Variants in LMF1 observed in about 807,000 individuals in gnomAD.
The protein encoded by LMF1 is transmembrane protein 112.
A neutral mutation model predicts 60.6 loss-of-function variants in LMF1; 68 were observed. The ratio of observed to expected loss-of-function variants is 1.12; its 90% CI spans 0.92 to 1.37. The LOEUF is 1.37. Ranked by LOEUF, LMF1 falls within the 40% of genes most tolerant of loss-of-function variation. LMF1 has a pLI of 0.00. For synonymous variants in LMF1, 418 were observed against 324.7 expected (o/e 1.29, Z -3.09); for missense variants, 948 against 767.2 (o/e 1.24, Z -2.78).
At chr16:899,540 C>A (rs928215339) in intron 4 of LMF1, 10 of 152,372 alleles carry the variant, frequency 6.6e-5, no homozygotes, top group African/African-American at 1.9e-4. Context: ...AGCACATCTG[C>A]CTGATCCTGG....
intron 5 of LMF1, chr16:884,014 A>T (rs1398308456): frequency 1.3e-5 from 2 of 152,184 alleles, no homozygotes; most frequent in African/African-American, 4.8e-5. Context: ...TTACAGTTCT[A>T]TCCATTTTTG....
chr16:896,697 C>T (rs569423586), intron 4 of LMF1, among the ~76,000 whole-genome samples: 158 of 152,278 alleles, frequency 1.0e-3, no homozygotes, highest in Non-Finnish European at 1.7e-3. Flanking sequence ...GCCACTGCTC[C>T]CCCCGCATGA....
intron 9 of LMF1, chr16:869,315 CTCTG>C (rs1567151424): frequency 4.5e-6 from 3 of 671,860 alleles, no homozygotes; most frequent in Admixed American, 2.0e-5. Flanking sequence ...CCCCAGCACC[CTCTG>C]TCTGGGCCTT....
intron 4 of LMF1, among the ~76,000 whole-genome samples, chr16:894,873 A>C (rs2151734461): frequency 6.6e-6 from 1 of 152,326 alleles, no homozygotes; most frequent in South Asian, 2.1e-4. Flanking sequence ...TTCCACACGA[A>C]ATGGAATTCG....
At chr16:867,867 C>T (rs1425545212) in intron 10 of LMF1, among the ~76,000 whole-genome samples, 1 of 152,192 alleles carries the variant, frequency 6.6e-6, no homozygotes, top group Non-Finnish European at 1.5e-5. Flanking sequence ...TCGGGCCCAG[C>T]TGCTCCACTG....
At chr16:888,940 G>A (rs546515653) in intron 5 of LMF1, among the ~76,000 whole-genome samples, 5 of 152,326 alleles carry the variant, frequency 3.3e-5, no homozygotes, top group Admixed American at 2.0e-4. Context: ...CCTGTGCTGC[G>A]CTGGCCCTGG....
At chr16:931,593 C>T (rs2071785940) in intron 3 of LMF1, 1 of 1,271,028 alleles carries the variant, frequency 7.9e-7, no homozygotes, top group Non-Finnish European at 1.0e-6. Context: ...GCCTGACCTT[C>T]CAGTGCCTTT....
chr16:911,217 G>T, intron 3 of LMF1, 138 bp from the exon 4 acceptor site: 2 of 994,914 alleles, frequency 2.0e-6, no homozygotes, highest in Non-Finnish European at 3.1e-6. Flanking sequence ...CAGCCCGCAC[G>T]TATTAGTCTC....
Position 874,907 on chromosome 16 carries a change from G to A in LMF1, c.898-3566C>T, listed in dbSNP as rs1032023950. Among the ~76,000 whole-genome samples the A allele has an allele frequency of 6.6e-6, 1 of 152,124 alleles. No individual in the cohort carries two copies. The highest frequency in any genetic ancestry group is 2.4e-5 in the African/African-American group (1 of 41,412). ...CAGCCCCACACCATATCATCCCCCA[G>A]ACACCCTCTGCCCTGTACGCCTGTG... On this transcript the variant is annotated intron_variant, in intron 6 of 10. Coordinates refer to ENST00000262301, the MANE Select transcript of LMF1 (RefSeq NM_022773.4). The surrounding 1 kb of genome is among the most constrained non-coding windows in gnomAD (Gnocchi z 4.1).
intron 10 of LMF1, among the ~76,000 whole-genome samples, chr16:858,133 C>A (rs544710902): frequency 1.9e-4 from 13 of 67,404 alleles, no homozygotes; most frequent in Non-Finnish European, 2.9e-4. Flanking sequence ...AGTGGTGTCA[C>A]GGGATGGGTG....
chr16:978,274 C>T (rs977596184), intron 1 of LMF1, among the ~76,000 whole-genome samples: 9 of 150,098 alleles, frequency 6.0e-5, no homozygotes, highest in African/African-American at 2.2e-4. Flanking sequence ...ACACTATACA[C>T]GCACCACACA....
intron 1 of LMF1, among the ~76,000 whole-genome samples, chr16:959,702 C>T (rs184182280): frequency 6.2e-4 from 94 of 152,322 alleles, no homozygotes; most frequent in Non-Finnish European, 1.1e-3. Context: ...CGCTGCACTC[C>T]AGGGCTTTCC....
At chr16:884,379 T>A (rs1175595668) in intron 5 of LMF1, among the ~76,000 whole-genome samples, 1 of 152,196 alleles carries the variant, frequency 6.6e-6, no homozygotes, top group African/African-American at 2.4e-5. Flanking sequence ...TCACAGGAAA[T>A]AATGCAAATG....
intron 2 of LMF1, among the ~76,000 whole-genome samples, chr16:942,421 C>G (rs1177450432): frequency 3.3e-5 from 5 of 152,266 alleles, no homozygotes; most frequent in African/African-American, 1.2e-4. Flanking sequence ...TGGATTTACA[C>G]ATTTATATCA....
Position 880,125 on chromosome 16 carries a change from G to A in LMF1, c.730-388C>T, listed in dbSNP as rs185726437. Among the ~76,000 whole-genome samples, 721 of 152,284 alleles carry A rather than the reference G, an allele frequency of 4.7e-3. 9 individuals are homozygous for A. The highest frequency in any genetic ancestry group is 0.016 in the African/African-American group (678 of 41,558). On this transcript the variant is annotated intron_variant, in intron 5 of 10. Coordinates refer to ENST00000262301, the MANE Select transcript of LMF1 (RefSeq NM_022773.4). Reference sequence around the variant, plus strand: ...GGCCAAGCTGCAACCCCCAAGAGCCGGGGTCCACAGGCGGCCCCTCAGGCT... The same window carrying A: ...GGCCAAGCTGCAACCCCCAAGAGCCAGGGTCCACAGGCGGCCCCTCAGGCT...
chr16:925,841 GGCCC>G (rs2071578416), intron 3 of LMF1, among the ~76,000 whole-genome samples: 1 of 152,254 alleles, frequency 6.6e-6, no homozygotes, highest in Non-Finnish European at 1.5e-5. Flanking sequence ...TATCTAATAT[GGCCC>G]TGTTTGAGTA....
In LMF1 at chr16:879,740, G is replaced by C. The variant is rs2070108551; in HGVS notation, c.730-3C>G. 1 of 1,578,186 alleles carries C rather than the reference G, an allele frequency of 6.3e-7. No homozygotes were observed. The highest frequency in any genetic ancestry group is 8.6e-7 in the Non-Finnish European group (1 of 1,162,562). On this transcript the variant is annotated splice_polypyrimidine_tract_variant and splice_region_variant and intron_variant, in intron 5 of 10. Coordinates refer to ENST00000262301, the MANE Select transcript of LMF1 (RefSeq NM_022773.4). ...ACAGGATTGGGCATCGGCTGGGTCTGCAGGGACAGGAGGGGCCGTGAGGTG... is the reference window on the plus strand; with the variant it reads ...ACAGGATTGGGCATCGGCTGGGTCTCCAGGGACAGGAGGGGCCGTGAGGTG...
intron 4 of LMF1, among the ~76,000 whole-genome samples, chr16:893,732 G>C (rs1030351579): frequency 6.6e-6 from 1 of 152,024 alleles, no homozygotes; most frequent in Non-Finnish European, 1.5e-5. Context: ...GGAAGGGTCG[G>C]CTCCCACACC....
upstream of LMF1, among the ~76,000 whole-genome samples, chr16:972,963 A>G (rs1161231089): frequency 6.6e-6 from 1 of 152,224 alleles, no homozygotes; most frequent in Non-Finnish European, 1.5e-5. Context: ...CACCGGGGGC[A>G]GGGCTTGGGC....
Sources: gnomAD v4.1 joint callset for allele counts (sites outside exome capture counted in the v4.1 genomes callset) on GRCh38, gnomAD v4.1.1 for gene constraint, Gnocchi (gnomAD v3.1) non-coding constraint, MANE v1.5 for transcripts, NCBI Gene and HGNC (gene_info 2026-07-23, HGNC 2026-07-21) for gene names.